Variants in LRRC1 observed in about 807,000 individuals in gnomAD.
LRRC1 encodes the protein leucine-rich repeat-containing protein 1.
Under a neutral mutation model 69.9 loss-of-function variants are expected in LRRC1, and 28 were observed. That is an observed-to-expected ratio of 0.40 (90% confidence interval 0.30 to 0.55). LRRC1 has a LOEUF of 0.55. Ranked by LOEUF, LRRC1 falls within the 20% of genes least tolerant of loss-of-function variation. LRRC1 has a pLI of 0.47. For missense variants in LRRC1, 498 were observed against 609.0 expected (o/e 0.82, Z 1.92); for synonymous variants, 236 against 240.2 (o/e 0.98, Z 0.16).
chr6:53,808,446 T>G lies in LRRC1; in HGVS notation c.159+13031T>G, dbSNP rs550549246. ...ATTTAGGAGAGGAAACCTGGGTAAT[T>G]GATAATTATAATAATGATAGTCAGC... On this transcript the variant is annotated intron_variant, in intron 1 of 13. Transcript: ENST00000370888. 2.6e-5 allele frequency among the ~76,000 whole-genome samples: 4 copies of G among 152,136 alleles called. No homozygotes were observed. The East Asian group carries it at 7.7e-4, about 29-fold the overall frequency.
intron 2 of LRRC1, among the ~76,000 whole-genome samples, chr6:53,860,982 G>A (rs1766488012): frequency 6.6e-6 from 1 of 151,620 alleles, no homozygotes; most frequent in Non-Finnish European, 1.5e-5. Context: ...GCTAAACACT[G>A]AGAACACATG....
At chr6:53,865,690 A>T (rs1313615053) in intron 2 of LRRC1, among the ~76,000 whole-genome samples, 1 of 150,746 alleles carries the variant, frequency 6.6e-6, no homozygotes, top group African/African-American at 2.4e-5. Flanking sequence ...CTAATATTAG[A>T]TACTAATGAC....
At chr6:53,825,863 T>G (rs1177351966) in intron 1 of LRRC1, among the ~76,000 whole-genome samples, 3 of 152,066 alleles carry the variant, frequency 2.0e-5, no homozygotes, top group East Asian at 3.9e-4. Flanking sequence ...TATGCTGTCT[T>G]TTTATGGTGT....
rs148845288 is a variant in LRRC1 at position 53,916,777 on chromosome 6, A to G, written c.1107-2721A>G. Reference sequence around the variant, plus strand: ...GGCGTATTCAGTCACTGGTGAAGTTAATATTAATCAGTAGGCCATGCTTAG... The same window carrying G: ...GGCGTATTCAGTCACTGGTGAAGTTGATATTAATCAGTAGGCCATGCTTAG... On this transcript the variant is annotated intron_variant, in intron 11 of 13. Coordinates refer to ENST00000370888, the MANE Select transcript of LRRC1 (RefSeq NM_018214.5). Among the ~76,000 whole-genome samples the G allele has an allele frequency of 2.2e-3, 333 of 152,350 alleles. 2 individuals carry two copies. The highest frequency in any genetic ancestry group is 7.6e-3 in the African/African-American group (318 of 41,580).
chr6:53,855,527 G>A (rs1581876913), intron 2 of LRRC1, among the ~76,000 whole-genome samples: 3 of 152,298 alleles, frequency 2.0e-5, no homozygotes, highest in African/African-American at 7.2e-5. Context: ...AACGAAGTTG[G>A]CACAGCAGCA....
intron 2 of LRRC1, among the ~76,000 whole-genome samples, chr6:53,846,751 T>C (rs1765959620): frequency 6.6e-6 from 1 of 152,266 alleles, no homozygotes; most frequent in Admixed American, 6.5e-5. Flanking sequence ...AATTAAGTTC[T>C]GCAACAGTTT....
chr6:53,917,030 C>T (rs909658539), intron 11 of LRRC1, among the ~76,000 whole-genome samples: 1 of 152,050 alleles, frequency 6.6e-6, no homozygotes, highest in Admixed American at 6.6e-5. Flanking sequence ...GTTTCTTGTG[C>T]GTTGATTCTG....
chr6:53,819,901 A>G (rs3001004), intron 1 of LRRC1, among the ~76,000 whole-genome samples: 38,850 of 151,714 alleles, frequency 0.26, 5,036 homozygotes, highest in African/African-American at 0.26. Context: ...ATATATGTGT[A>G]CCTATTGGAT....
chr6:53,822,100 G>A (rs1453230431), intron 1 of LRRC1, among the ~76,000 whole-genome samples: 1 of 152,074 alleles, frequency 6.6e-6, no homozygotes, highest in Non-Finnish European at 1.5e-5. Context: ...TGTATTTCTA[G>A]GTTCTGTAAG....
At chr6:53,810,732 A>G (rs976223251) in intron 1 of LRRC1, among the ~76,000 whole-genome samples, 5 of 152,264 alleles carry the variant, frequency 3.3e-5, no homozygotes, top group Non-Finnish European at 7.3e-5. Context: ...AATAAAAATT[A>G]AAGTGATCAA....
At chr6:53,812,712 A>AAAAAAG (rs56163538) in intron 1 of LRRC1, among the ~76,000 whole-genome samples, 3 of 139,860 alleles carry the variant, frequency 2.1e-5, no homozygotes, top group Non-Finnish European at 3.0e-5. Context: ...AAAAAAAAAA[A>AAAAAAG]AATTTGAAGA....
Position 53,810,955 on chromosome 6 carries a change from A to G in LRRC1, c.159+15540A>G, listed in dbSNP as rs533915187. ...GTTTACTTTTCTAATGAGATTCATC[A>G]GGACAGGACTTAGCTGTGTATCTGT... On this transcript the variant is annotated intron_variant, in intron 1 of 13. Transcript: ENST00000370888. 3.0e-4 allele frequency among the ~76,000 whole-genome samples: 45 copies of G among 152,318 alleles called. No individual in the cohort carries two copies. The South Asian group carries it at 8.5e-3, about 29-fold the overall frequency.
chr6:53,867,046 T>C (rs562349794), intron 2 of LRRC1, among the ~76,000 whole-genome samples: 1 of 152,126 alleles, frequency 6.6e-6, no homozygotes, highest in South Asian at 2.1e-4. Context: ...GTGGTCAAGA[T>C]CGTGGGTCAG....
Position 53,795,100 on chromosome 6 carries a change from C to A in LRRC1, c.-157C>A. On this transcript the variant is annotated 5_prime_UTR_variant, in exon 1 of 14. Transcript: ENST00000370888. ...CTCCCGCTCCAGGTTCCTTGAAGCA[C>A]TTCCGACCGCGAAGCCCGGCGCGAG... 1.5e-6 allele frequency: 1 copy of A among 658,532 alleles called. No individual in the cohort carries two copies. Among genetic ancestry groups the A allele is most frequent in the Non-Finnish European group, 2.4e-6 (1 of 409,534 alleles). The allele number at this position is 658,532 out of a possible 1,614,324, so 40.8% of individuals were successfully genotyped here.
At chr6:53,805,869 G>A (rs1030665966) in intron 1 of LRRC1, among the ~76,000 whole-genome samples, 1 of 152,216 alleles carries the variant, frequency 6.6e-6, no homozygotes, top group African/African-American at 2.4e-5. Context: ...ATTGCCTGCT[G>A]TGGTGGCTTC....
intron 4 of LRRC1, among the ~76,000 whole-genome samples, chr6:53,884,520 C>G (rs1392459622): frequency 6.6e-6 from 1 of 151,898 alleles, no homozygotes; most frequent in African/African-American, 2.4e-5. Context: ...TTTGCCCCCC[C>G]TACACAAAAA....
rs546455560 is a variant in LRRC1 at position 53,831,746 on chromosome 6, C to T, written c.160-10364C>T. On this transcript the variant is annotated intron_variant, in intron 1 of 13. Transcript: ENST00000370888. ...TGGGCCATTCTTGAGTGATTGTAAT[C>T]TGTCAACTCAGATTAATTTTTGAAG... is the stretch of plus-strand genomic sequence containing the variant. 2.0e-5 allele frequency among the ~76,000 whole-genome samples: 3 copies of T among 152,276 alleles called. 1 individual carries two copies. The highest frequency in any genetic ancestry group is 4.4e-5 in the Non-Finnish European group (3 of 68,016).
In LRRC1 at chr6:53,913,580, T is replaced by C. The variant is rs886951012; in HGVS notation, c.991-274T>C. On this transcript the variant is annotated intron_variant, in intron 10 of 13. Coordinates refer to ENST00000370888, the MANE Select transcript of LRRC1 (RefSeq NM_018214.5). ...TAGATATCAGCAGTGGAAAATGATT[T>C]CTTCTTTAGAATAAAATTTTTTAAC... 4.6e-5 allele frequency among the ~76,000 whole-genome samples: 7 copies of C among 152,262 alleles called. No individual in the cohort carries two copies. The South Asian group carries it at 1.2e-3, about 27-fold the overall frequency.
chr6:53,861,495 C>T (rs1456776325), intron 2 of LRRC1, among the ~76,000 whole-genome samples: 4 of 150,488 alleles, frequency 2.7e-5, no homozygotes, highest in East Asian at 1.9e-4. Flanking sequence ...CTGAATCAGT[C>T]GCTGGGAGTG....
Sources: gnomAD v4.1 joint callset for allele counts (sites outside exome capture counted in the v4.1 genomes callset) on GRCh38, gnomAD v4.1.1 for gene constraint, MANE v1.5 for transcripts, NCBI Gene and HGNC (gene_info 2026-07-23, HGNC 2026-07-21) for gene names.